The following ENOX1 variants were observed in gnomAD, a reference collection of about 807,000 sequenced individuals.
ENOX1 encodes the protein ecto-NOX disulfide-thiol exchanger 1, also known as candidate growth-related and time keeping constitutive hydroquinone (NADH) oxidase.
Under a neutral mutation model 82.5 loss-of-function variants are expected in ENOX1, and 42 were observed. That is an observed-to-expected ratio of 0.51 (90% CI 0.40 to 0.66). The LOEUF is 0.66. ENOX1 is among the 30% of genes least tolerant of loss of function. The probability of loss-of-function intolerance (pLI) is 0.00; values close to 1 mark genes in which losing one functional copy is unlikely to be tolerated. For missense variants in ENOX1, 608 were observed against 811.6 expected (o/e 0.75, Z 3.05); for synonymous variants, 271 against 282.2 (o/e 0.96, Z 0.40).
In ENOX1 at chr13:43,412,946, C is replaced by A; in HGVS notation, c.-32G>T. Reference sequence around the variant, plus strand: ...ATGAGTGTCCAGAGGGGCAGGAACACTTTGATGGCTGAGTGCAGGGTCCCC... The same window carrying A: ...ATGAGTGTCCAGAGGGGCAGGAACAATTTGATGGCTGAGTGCAGGGTCCCC... On this transcript the variant is annotated 5_prime_UTR_variant, in exon 4 of 17. Coordinates refer to ENST00000690772, the MANE Select transcript of ENOX1 (RefSeq NM_001347969.2). 6.2e-7 allele frequency: 1 copy of A among 1,613,136 alleles called. No homozygotes were observed. Among genetic ancestry groups the A allele is most frequent in the Non-Finnish European group, 8.5e-7 (1 of 1,179,810 alleles).
At chr13:43,764,705 CAAT>C (rs1278698247) in intron 1 of ENOX1, among the ~76,000 whole-genome samples, 1 of 152,136 alleles carries the variant, frequency 6.6e-6, no homozygotes, top group East Asian at 1.9e-4. Context: ...TGCTTTCAAG[CAAT>C]AATATCAGCT....
chr13:43,414,675 T>C (rs2054337843), intron 3 of ENOX1, among the ~76,000 whole-genome samples: 1 of 152,236 alleles, frequency 6.6e-6, no homozygotes, highest in South Asian at 2.1e-4. Context: ...CATTCTTTTG[T>C]TCAAATGGCC....
At chr13:43,546,765 C>T (rs1329698221) in intron 2 of ENOX1, 2 of 152,204 alleles carry the variant, frequency 1.3e-5, no homozygotes, top group East Asian at 1.9e-4. Flanking sequence ...TATCACCATA[C>T]ATCTCACTTA....
At chr13:43,410,946 T>C (rs1321469343) in intron 5 of ENOX1, among the ~76,000 whole-genome samples, 2 of 152,200 alleles carry the variant, frequency 1.3e-5, no homozygotes, top group Non-Finnish European at 2.9e-5. Flanking sequence ...ACTTGTCTTG[T>C]TTACTGCGGG....
At chr13:43,589,224 A>AAG (rs2081130807) in intron 2 of ENOX1, among the ~76,000 whole-genome samples, 1 of 150,064 alleles carries the variant, frequency 6.7e-6, no homozygotes, top group South Asian at 2.1e-4. Flanking sequence ...TGGAAAAAAA[A>AAG]AAAAAAAAAA....
At chr13:43,672,029 C>T (rs1369586415) in intron 1 of ENOX1, among the ~76,000 whole-genome samples, 2 of 152,008 alleles carry the variant, frequency 1.3e-5, no homozygotes, top group Non-Finnish European at 2.9e-5. Flanking sequence ...CCATTCATAC[C>T]ATTGACATCA....
chr13:43,664,721 A>T lies in ENOX1; in HGVS notation c.-219+2758T>A, dbSNP rs1200363377. Among the ~76,000 whole-genome samples, 3 of 152,236 alleles carry T rather than the reference A, an allele frequency of 2.0e-5. No individual in the cohort carries two copies. The East Asian group carries it at 5.8e-4, about 29-fold the overall frequency. On this transcript the variant is annotated intron_variant, in intron 2 of 16. Transcript: ENST00000690772. ...TAAGCTCTTGCATAAAATGGAAAAG[A>T]AAAGTAAGCAATGGAGACACAGGAT...
chr13:43,387,342 G>A (rs2052480686), intron 5 of ENOX1, among the ~76,000 whole-genome samples: 1 of 152,188 alleles, frequency 6.6e-6, no homozygotes, highest in Non-Finnish European at 1.5e-5. Context: ...AAAACAAGGA[G>A]CTGGCCTGTG....
At chr13:43,776,288 G>T (rs146918203) in intron 1 of ENOX1, among the ~76,000 whole-genome samples, 1 of 152,322 alleles carries the variant, frequency 6.6e-6, no homozygotes, top group African/African-American at 2.4e-5. Context: ...ATTGGAGGGA[G>T]ATTGCCAAGT....
chr13:43,559,716 T>C (rs1313549418), intron 2 of ENOX1, among the ~76,000 whole-genome samples: 1 of 152,010 alleles, frequency 6.6e-6, no homozygotes, highest in Non-Finnish European at 1.5e-5. Context: ...ATATTGGGAG[T>C]TAGCATCATG....
At chr13:43,239,921 T>C (rs922117138) in intron 14 of ENOX1, among the ~76,000 whole-genome samples, 4 of 152,254 alleles carry the variant, frequency 2.6e-5, no homozygotes, top group East Asian at 1.9e-4. Context: ...TCTGTATTTA[T>C]ATTGGTATTG....
chr13:43,252,886 G>A (rs566545562), intron 14 of ENOX1, among the ~76,000 whole-genome samples: 1 of 152,166 alleles, frequency 6.6e-6, no homozygotes, highest in Admixed American at 6.5e-5. Flanking sequence ...GCAAGGGAAG[G>A]GGGGATCTCC....
intron 2 of ENOX1, among the ~76,000 whole-genome samples, chr13:43,642,717 A>G (rs188186102): frequency 1.3e-5 from 2 of 152,230 alleles, no homozygotes; most frequent in African/African-American, 4.8e-5. Flanking sequence ...TTAATTAACT[A>G]CTCATCCATG....
chr13:43,414,276 C>T (rs2153600343), intron 3 of ENOX1, among the ~76,000 whole-genome samples: 1 of 152,176 alleles, frequency 6.6e-6, no homozygotes, highest in South Asian at 2.1e-4. Flanking sequence ...AATCCCTAGC[C>T]CTCAACTAGA....
intron 2 of ENOX1, among the ~76,000 whole-genome samples, chr13:43,647,450 C>A (rs1235482437): frequency 1.3e-5 from 2 of 152,158 alleles, no homozygotes; most frequent in Non-Finnish European, 2.9e-5. Context: ...AGGTGAACTT[C>A]CCCAGGGTCT....
At chr13:43,712,938 T>C (rs2153814400) in intron 1 of ENOX1, among the ~76,000 whole-genome samples, 1 of 152,226 alleles carries the variant, frequency 6.6e-6, no homozygotes, top group East Asian at 1.9e-4. Flanking sequence ...GGCCAGAACT[T>C]CCAACACTAT....
chr13:43,425,285 A>G (rs773226363), intron 3 of ENOX1, among the ~76,000 whole-genome samples: 6 of 152,102 alleles, frequency 3.9e-5, no homozygotes, highest in Non-Finnish European at 5.9e-5. Context: ...CACCCCCATC[A>G]AAAGAGATGA....
intron 2 of ENOX1, among the ~76,000 whole-genome samples, chr13:43,586,499 G>A (rs1472222397): frequency 1.3e-5 from 2 of 152,142 alleles, no homozygotes; most frequent in East Asian, 3.9e-4. Flanking sequence ...AACTGTGTTG[G>A]CGGGCTCTTG....
chr13:43,427,499 C>T (rs2055387409), intron 3 of ENOX1, among the ~76,000 whole-genome samples: 1 of 152,190 alleles, frequency 6.6e-6, no homozygotes, highest in Admixed American at 6.5e-5. Context: ...AACTTTCTCC[C>T]ACAAAGAGTC....
Sources: gnomAD v4.1 joint callset for allele counts (sites outside exome capture counted in the v4.1 genomes callset) on GRCh38, gnomAD v4.1.1 for gene constraint, MANE v1.5 for transcripts, NCBI Gene and HGNC (gene_info 2026-07-23, HGNC 2026-07-21) for gene names.